CCDC170: variants seen among roughly 807,000 people sequenced by gnomAD.
The protein encoded by CCDC170 is coiled-coil domain-containing protein 170.
CCDC170 carries 69 observed loss-of-function variants against 72.6 expected under a neutral mutation model. The observed-to-expected ratio is 0.95, with a 90% CI of 0.78 to 1.16. CCDC170 has a LOEUF of 1.16. Among genes scored for constraint, CCDC170 ranks in the 50% most tolerant of loss-of-function variants. The pLI is 0.00. For synonymous variants in CCDC170, 300 were observed against 303.9 expected (o/e 0.99, Z 0.13); for missense variants, 852 against 832.5 (o/e 1.02, Z -0.29).
rs1781927656 is a variant in CCDC170 at position 151,497,585 on chromosome 6, CCAAA to C, written c.57+3403_57+3406del. ...ATTATGAGAATTGAAGTGGAGCAGC[CCAAA>C]CATGAAGGAAAGAGATATGCTTTGG... On this transcript the variant is annotated intron_variant, in intron 1 of 10. Coordinates refer to ENST00000239374, the MANE Select transcript of CCDC170 (RefSeq NM_025059.4). Among the ~76,000 whole-genome samples, 11 of 152,078 alleles carry C rather than the reference CCAAA, an allele frequency of 7.2e-5. No homozygotes were observed. In the South Asian group the frequency reaches 2.3e-3, roughly 32 times the overall value.
At chr6:151,614,403 G>T (rs1776924233) in intron 9 of CCDC170, among the ~76,000 whole-genome samples, 2 of 152,034 alleles carry the variant, frequency 1.3e-5, no homozygotes, top group African/African-American at 4.8e-5. Context: ...ATTTTACTTA[G>T]GATGTTTTCA....
chr6:151,531,558 G>A (rs550810159), intron 1 of CCDC170, among the ~76,000 whole-genome samples: 1 of 152,158 alleles, frequency 6.6e-6, no homozygotes, highest in African/African-American at 2.4e-5. Context: ...CTACCATAAT[G>A]TTTAGGGGGA....
At position 151,586,104 on chromosome 6, in the gene CCDC170, G is replaced by T; in HGVS notation, c.1293+15G>T. 1 of 1,612,520 alleles carries T rather than the reference G, an allele frequency of 6.2e-7. No individual in the cohort carries two copies. Among genetic ancestry groups the T allele is most frequent in the Non-Finnish European group, 8.5e-7 (1 of 1,178,872 alleles). On this transcript the variant is annotated intron_variant, in intron 7 of 10. Transcript: ENST00000239374. Reference sequence around the variant, plus strand: ...AGAAACAAAAAGTAATGACCCGAGGGCATGTCCATGAGTGGAAGCATCTGT... The same window carrying T: ...AGAAACAAAAAGTAATGACCCGAGGTCATGTCCATGAGTGGAAGCATCTGT...
intron 5 of CCDC170, among the ~76,000 whole-genome samples, chr6:151,558,193 G>T (rs907630875): frequency 8.2e-6 from 1 of 122,192 alleles, no homozygotes. Context: ...TTCTATTCAT[G>T]TCTATTCATG....
At chr6:151,573,046 T>C (rs1368657288) in intron 5 of CCDC170, 128 bp from the exon 6 acceptor site, 1 of 763,344 alleles carries the variant, frequency 1.3e-6, no homozygotes, top group Non-Finnish European at 2.2e-6. Context: ...GAGTTAAAAA[T>C]GGAAGGAGTA....
intron 5 of CCDC170, among the ~76,000 whole-genome samples, chr6:151,562,260 T>C (rs1776045789): frequency 6.6e-6 from 1 of 152,232 alleles, no homozygotes; most frequent in Non-Finnish European, 1.5e-5. Flanking sequence ...AGAGAGCTAG[T>C]GCAATGCTTT....
At chr6:151,518,998 A>G (rs1465107820) in intron 1 of CCDC170, among the ~76,000 whole-genome samples, 2 of 152,212 alleles carry the variant, frequency 1.3e-5, no homozygotes, top group Non-Finnish European at 2.9e-5. Flanking sequence ...AACTCCTGAT[A>G]AGGGTCTATG....
chr6:151,544,773 A>G lies in CCDC170; in HGVS notation c.588+57A>G. Reference sequence around the variant, plus strand: ...TGTAGTGGTGATTCTGACATGTGGCATGAAAGGAAGTGCTGTGGTTGAGTT... The same window carrying G: ...TGTAGTGGTGATTCTGACATGTGGCGTGAAAGGAAGTGCTGTGGTTGAGTT... On this transcript the variant is annotated intron_variant, in intron 4 of 10. Transcript: ENST00000239374. 3 of 1,544,450 alleles carry G rather than the reference A, an allele frequency of 1.9e-6. 1 individual carries two copies. In the South Asian group the frequency reaches 3.6e-5, roughly 19 times the overall value.
chr6:151,543,453 T>G (rs1360987731), intron 3 of CCDC170, among the ~76,000 whole-genome samples: 2 of 152,176 alleles, frequency 1.3e-5, no homozygotes, highest in African/African-American at 4.8e-5. Flanking sequence ...TTTTTGTGTG[T>G]GAACATTCAA....
chr6:151,510,076 T>C (rs1291437620), intron 1 of CCDC170, among the ~76,000 whole-genome samples: 1 of 152,140 alleles, frequency 6.6e-6, no homozygotes, highest in Non-Finnish European at 1.5e-5. Flanking sequence ...TGAGAAAAGA[T>C]TGCACCACAG....
At chr6:151,498,250 T>C (rs1016009303) in intron 1 of CCDC170, among the ~76,000 whole-genome samples, 1 of 151,066 alleles carries the variant, frequency 6.6e-6, no homozygotes, top group Non-Finnish European at 1.5e-5. Flanking sequence ...ACAGAATTGT[T>C]ATGAGAAGCA....
chr6:151,609,842 A>G (rs969666113), intron 9 of CCDC170, among the ~76,000 whole-genome samples: 1 of 152,284 alleles, frequency 6.6e-6, no homozygotes, highest in African/African-American at 2.4e-5. Context: ...GGGAACAAAG[A>G]TTGAGGCAGC....
chr6:151,544,583 A>C lies in CCDC170; in HGVS notation c.455A>C (p.Lys152Thr), dbSNP rs750936684. The change falls in exon 4 of 11, where the codon AAA becomes ACA. Residue 152 changes from lysine to threonine, a missense_variant. By Grantham distance (78) the Lys-to-Thr change is moderately conservative. Transcript: ENST00000239374. Reference sequence around the variant, plus strand: ...TATTTGCCTAACAGAAAGTGTTCAAAAGAAAATGAGGAGAATAAGAAACAA... The same window carrying C: ...TATTTGCCTAACAGAAAGTGTTCAACAGAAAATGAGGAGAATAAGAAACAA... Reference protein sequence around the residue: ...ELNEKLQKCSKENEENKKQVS... With the variant: ...ELNEKLQKCSTENEENKKQVS... 3 of 1,612,350 alleles carry C rather than the reference A, an allele frequency of 1.9e-6. No homozygotes were observed. Among genetic ancestry groups the C allele is most frequent in the Non-Finnish European group, 2.5e-6 (3 of 1,178,598 alleles).
chr6:151,516,163 G>A (rs1402796067), intron 1 of CCDC170, among the ~76,000 whole-genome samples: 2 of 152,100 alleles, frequency 1.3e-5, no homozygotes, highest in Non-Finnish European at 2.9e-5. Flanking sequence ...ACTAGAGTCA[G>A]GTTGGAATTT....
intron 5 of CCDC170, among the ~76,000 whole-genome samples, chr6:151,557,117 A>T (rs1186108247): frequency 1.3e-5 from 2 of 152,156 alleles, no homozygotes; most frequent in African/African-American, 4.8e-5. Context: ...ACATTAAAAA[A>T]ATCTATTCAG....
chr6:151,614,526 C>T (rs1188538186), intron 9 of CCDC170, among the ~76,000 whole-genome samples: 1 of 152,086 alleles, frequency 6.6e-6, no homozygotes, highest in Admixed American at 6.5e-5. Flanking sequence ...GCAATCTTGA[C>T]TCACTGCAAC....
chr6:151,512,151 CGTTTTTTTTT>C (rs1334281388), intron 1 of CCDC170, among the ~76,000 whole-genome samples: 1 of 146,278 alleles, frequency 6.8e-6, no homozygotes, highest in Non-Finnish European at 1.5e-5. Flanking sequence ...AGCAGTATAC[CGTTTTTTTTT>C]GTTTTTTTTT....
At position 151,586,002 on chromosome 6, in the gene CCDC170, G is replaced by T. The variant is rs1366840104; in HGVS notation, c.1206G>T (p.Glu402Asp). ...QRAQKAENML[E>D]TLQGQLTHLE... ...CCCAGAAAGCAGAGAATATGTTGGA[G>T]ACTCTTCAGGGTCAGCTGACACACC... The change falls in exon 7 of 11, where the codon GAG becomes GAT. Residue 402 changes from glutamate (E) to aspartate (D), a missense_variant. Physicochemically the swap from Glu to Asp is conservative, Grantham distance 45. Transcript: ENST00000239374. 1 of 1,614,080 alleles carries T rather than the reference G, an allele frequency of 6.2e-7. No homozygotes were observed. The highest frequency in any genetic ancestry group is 1.3e-5 in the African/African-American group (1 of 74,936).
At chr6:151,553,558 G>A (rs1460080618) in intron 5 of CCDC170, among the ~76,000 whole-genome samples, 2 of 152,120 alleles carry the variant, frequency 1.3e-5, no homozygotes, top group Non-Finnish European at 2.9e-5. Flanking sequence ...CATCTCTAGA[G>A]ATCAGTAGTA....
Sources: gnomAD v4.1 joint callset for allele counts (sites outside exome capture counted in the v4.1 genomes callset) on GRCh38, gnomAD v4.1.1 for gene constraint, MANE v1.5 for transcripts, NCBI Gene and HGNC (gene_info 2026-07-23, HGNC 2026-07-21) for gene names.